ETAA1: variants seen among roughly 807,000 people sequenced by gnomAD.
ETAA1 encodes ETAA1 activator of ATR kinase, also known as ewing's tumor-associated antigen 1.
A neutral mutation model predicts 76.8 loss-of-function variants in ETAA1; 49 were observed. The observed-to-expected ratio is 0.64, with a 90% confidence interval of 0.51 to 0.81. The LOEUF is 0.81. Ranked by LOEUF, ETAA1 falls within the 30% of genes least tolerant of loss-of-function variation. The pLI is 0.00. For synonymous variants in ETAA1, 373 were observed against 372.2 expected, an observed-to-expected ratio of 1.00 and a Z score of -0.03; for missense variants, 1,099 against 1,074.0, an observed-to-expected ratio of 1.02 and a Z score of -0.32.
In ETAA1 at chr2:67,402,930, C is replaced by T. The variant is rs1187851213; in HGVS notation, c.498C>T (p.Pro166=). 2.5e-6 allele frequency: 4 copies of T among 1,606,790 alleles called. No individual in the cohort carries two copies. Among genetic ancestry groups the T allele is most frequent in the East Asian group, 2.3e-5 (1 of 44,404 alleles). Residue 166 remains proline (P), a synonymous_variant, in exon 4 of 6, where the codon CCC becomes CCT. Transcript: ENST00000272342. The part of the protein sequence containing the change: ...WIGETAIPCT[P]SVAKGKSRAK... ...GTGAAACTGCTATTCCTTGTACTCCCAGTGTAGCAAAAGGAAAATCAAGAG... is the reference window on the plus strand; with the variant it reads ...GTGAAACTGCTATTCCTTGTACTCCTAGTGTAGCAAAAGGAAAATCAAGAG...
chr2:67,399,921 CA>C (rs1676006695), intron 3 of ETAA1, among the ~76,000 whole-genome samples: 1 of 141,258 alleles, frequency 7.1e-6, no homozygotes, highest in Non-Finnish European at 1.6e-5. Flanking sequence ...CATACGACAT[CA>C]TTTTTCAAGT....
Position 67,409,915 on chromosome 2 carries a change from A to G in ETAA1, c.2658A>G (p.Glu886=). ...CATCTTTTGTTGAATTTTTAGAGGAAGAAGAGAAAAATAGAAAGTGTTCTC... is the reference window on the plus strand; with the variant it reads ...CATCTTTTGTTGAATTTTTAGAGGAGGAAGAGAAAAATAGAAAGTGTTCTC... The part of the protein sequence containing the change: ...SESLKQSSKE[E]EEKNRKCSPE... The change falls in exon 6 of 6, where the codon GAA becomes GAG. Residue 886 remains glutamate, a synonymous_variant. Coordinates refer to ENST00000272342, the MANE Select transcript of ETAA1 (RefSeq NM_019002.4). The G allele has an allele frequency of 3.8e-6, 6 of 1,590,922 alleles. No individual in the cohort carries two copies. The highest frequency in any genetic ancestry group is 5.1e-6 in the Non-Finnish European group (6 of 1,173,002).
In ETAA1 at chr2:67,399,603, A is replaced by G. The variant is rs923756234; in HGVS notation, c.406A>G (p.Ile136Val). ...CACAGATAGTGATGAGATTTCACATATTGTTAATCGTATTGCTCCTCAGGT... is the reference window on the plus strand; with the variant it reads ...CACAGATAGTGATGAGATTTCACATGTTGTTAATCGTATTGCTCCTCAGGT... ...YTTDSDEISH[I>V]VNRIAPQDEK... Residue 136 changes from isoleucine to valine, a missense_variant, in exon 3 of 6, where the codon ATT (isoleucine) becomes GTT (valine). Around this residue, in one of 3 missense-constraint regions of ETAA1, gnomAD observed 761 missense variants for 731.9 expected, o/e 1.04. Transcript: ENST00000272342. 1.2e-6 allele frequency: 2 copies of G among 1,608,408 alleles called. No homozygotes were observed. Among genetic ancestry groups the G allele is most frequent in the African/African-American group, 2.7e-5 (2 of 74,746 alleles).
In ETAA1 at chr2:67,404,220, ACT is replaced by A; in HGVS notation, c.1541_1542del (p.Ser514TyrfsTer2). ...AAAATAAAGGAAGATATTCTTACTAACTCTACTGAAGCTTCTGAAAGGAAGTC... is the reference window on the plus strand; with the variant it reads ...AAAATAAAGGAAGATATTCTTACTAACTACTGAAGCTTCTGAAAGGAAGTC... On this transcript the variant is annotated frameshift_variant, in exon 5 of 6. Coordinates refer to ENST00000272342, the MANE Select transcript of ETAA1 (RefSeq NM_019002.4). LOFTEE classifies it high-confidence loss of function. 1 of 1,611,934 alleles carries A rather than the reference ACT, an allele frequency of 6.2e-7. No homozygotes were observed. The highest frequency in any genetic ancestry group is 2.2e-5 in the East Asian group (1 of 44,782).
At position 67,410,761 on chromosome 2, in the gene ETAA1, C is replaced by CGGTGAGAAAAAGTAATACTGTTTT. The variant is rs1676352648; in HGVS notation, c.*724_*747dup. On this transcript the variant is annotated 3_prime_UTR_variant, in exon 6 of 6. Transcript: ENST00000272342. Reference sequence around the variant, plus strand: ...ATCTGGTCCAGCTTCCTTATTGTATCGGTGAGAAAAAGTAATACTGTTTTC... The same window carrying CGGTGAGAAAAAGTAATACTGTTTT: ...ATCTGGTCCAGCTTCCTTATTGTATCGGTGAGAAAAAGTAATACTGTTTTGGTGAGAAAAAGTAATACTGTTTTC... 6.6e-6 allele frequency: 1 copy of CGGTGAGAAAAAGTAATACTGTTTT among 151,866 alleles called. No homozygotes were observed. The highest frequency in any genetic ancestry group is 1.9e-4 in the East Asian group (1 of 5,190). 9.4% of individuals were successfully genotyped at this position (151,866 alleles called of 1,614,324 possible). A position where few individuals can be genotyped will look rare whatever the true frequency, so the allele number is the denominator to read the frequency against.
At chr2:67,397,817 C>G (rs1233829517) in intron 1 of ETAA1, 146 bp downstream of exon 1, 8 of 795,032 alleles carry the variant, frequency 1.0e-5, no homozygotes, top group South Asian at 8.6e-5. Flanking sequence ...AAAAATAATC[C>G]TATACCACTC....
intron 3 of ETAA1, chr2:67,400,434 C>T (rs1249804397): frequency 6.6e-6 from 1 of 151,876 alleles, no homozygotes; most frequent in African/African-American, 2.4e-5. Context: ...GACCCTGTCT[C>T]TTAAAAAAAA....
Position 67,397,618 on chromosome 2 carries a change from G to T in ETAA1, c.170G>T (p.Arg57Leu). 1 of 1,548,690 alleles carries T rather than the reference G, an allele frequency of 6.5e-7. No homozygotes were observed. The highest frequency in any genetic ancestry group is 8.7e-7 in the Non-Finnish European group (1 of 1,147,042). The change falls in exon 1 of 6, where the codon CGG (arginine) becomes CTG (leucine). Residue 57 changes from arginine (R) to leucine (L), a missense_variant. By Grantham distance (102) the Arg-to-Leu change is moderately radical. Transcript: ENST00000272342. ...AGAGAGGGGCCTCCCGGGCCAGTGC[G>T]GCAGCGAGAGCAGCCTCCGACCGCC... is the stretch of plus-strand genomic sequence containing the variant. Reference protein sequence around the residue: ...GAREGPPGPVRQREQPPTAAL... With the variant: ...GAREGPPGPVLQREQPPTAAL...
intron 4 of ETAA1, 26 bp downstream of exon 4, chr2:67,403,000 TG>T (rs1377985246): frequency 6.5e-7 from 1 of 1,544,984 alleles, no homozygotes; most frequent in Non-Finnish European, 8.7e-7. Flanking sequence ...TCAGCTTTTC[TG>T]AAATTCAGTG....
Position 67,410,161 on chromosome 2 carries a change from A to C in ETAA1, c.*123A>C, listed in dbSNP as rs919278089. 3 of 843,324 alleles carry C rather than the reference A, an allele frequency of 3.6e-6. No homozygotes were observed. The Admixed American group carries it at 8.1e-5, about 23-fold the overall frequency. The allele number at this position is 843,324 out of a possible 1,614,324, so 52.2% of individuals were successfully genotyped here. A position where few individuals can be genotyped will look rare whatever the true frequency, so the allele number is the denominator to read the frequency against. On this transcript the variant is annotated 3_prime_UTR_variant, in exon 6 of 6. Coordinates refer to ENST00000272342, the MANE Select transcript of ETAA1 (RefSeq NM_019002.4). ...TGACTTTTATAAAGCCTGGACTTCT[A>C]CTTTATTTAATAAATCAATGTTTGC...
At chr2:67,398,801 A>G (rs576961098) in intron 1 of ETAA1, among the ~76,000 whole-genome samples, 137 of 152,314 alleles carry the variant, frequency 9.0e-4, no homozygotes, top group Non-Finnish European at 1.6e-3. Flanking sequence ...GGGGCTAAAC[A>G]TATTTAGGTT....
At chr2:67,398,232 A>C (rs1482720362) in intron 1 of ETAA1, among the ~76,000 whole-genome samples, 1 of 150,786 alleles carries the variant, frequency 6.6e-6, no homozygotes, top group Non-Finnish European at 1.5e-5. Flanking sequence ...TTTTTAAAAG[A>C]CTTCTAGTAA....
Position 67,411,640 on chromosome 2 carries a change from T to G in ETAA1, c.*1602T>G, listed in dbSNP as rs1310603856. The G allele has an allele frequency of 6.6e-6, 1 of 152,088 alleles. No homozygotes were observed. The highest frequency in any genetic ancestry group is 1.9e-4 in the East Asian group (1 of 5,192). The allele number at this position is 152,088 out of a possible 1,614,324, so 9.4% of individuals were successfully genotyped here. ...GTTTCTATTGGACGCATATCACTTT[T>G]GCATCACGTTAGAGTTGAAAAATTG... On this transcript the variant is annotated 3_prime_UTR_variant, in exon 6 of 6. Transcript: ENST00000272342.
chr2:67,401,325 GTCAT>G (rs1434634620), intron 3 of ETAA1: 2 of 151,898 alleles, frequency 1.3e-5, no homozygotes, highest in Non-Finnish European at 2.9e-5. Flanking sequence ...TTTTAGGTGA[GTCAT>G]TCTCAAATCA....
At position 67,405,236 on chromosome 2, in the gene ETAA1, G is replaced by T. The variant is rs1224234369; in HGVS notation, c.2554G>T (p.Gly852Cys). The T allele has an allele frequency of 1.2e-6, 2 of 1,611,828 alleles. No homozygotes were observed. The highest frequency in any genetic ancestry group is 3.4e-5 in the Admixed American group (2 of 59,670). Residue 852 changes from glycine to cysteine, a missense_variant, in exon 5 of 6, where the codon GGT (glycine) becomes TGT (cysteine). This residue lies in a region of ETAA1 where 302 missense variants were observed against 278.1 expected (regional missense o/e 1.09). Transcript: ENST00000272342. ...TATGTCTGATACCAAAATTACACAG[G>T]GTGTGGAGAAAAAGAAAGGTGTCAA... is the stretch of plus-strand genomic sequence containing the variant. Reference protein sequence around the residue: ...GSMSDTKITQGVEKKKGVNPL... With the variant: ...GSMSDTKITQCVEKKKGVNPL...
In ETAA1 at chr2:67,397,534, T is replaced by C; in HGVS notation, c.86T>C (p.Val29Ala). The change falls in exon 1 of 6, where the codon GTG becomes GCG. Residue 29 changes from valine (V) to alanine (A), a missense_variant. Coordinates refer to ENST00000272342, the MANE Select transcript of ETAA1 (RefSeq NM_019002.4). ...GTGGCGGCGGAGGAATGCGGCTCGG[T>C]GGTCGAGCCAGGGAGGAGGCGGCTG... ...KTVAAEECGS[V>A]VEPGRRRLRS... is the part of the protein sequence containing the mutation. 6.3e-7 allele frequency: 1 copy of C among 1,586,438 alleles called. No homozygotes were observed.
At chr2:67,400,969 T>TA (rs1460010010) in intron 3 of ETAA1, 1 of 152,142 alleles carries the variant, frequency 6.6e-6, no homozygotes, top group Non-Finnish European at 1.5e-5. Flanking sequence ...TAATAGTACT[T>TA]ACTCTATAAG....
chr2:67,398,476 C>T (rs2103738513), intron 1 of ETAA1, among the ~76,000 whole-genome samples: 1 of 152,142 alleles, frequency 6.6e-6, no homozygotes, highest in African/African-American at 2.4e-5. Context: ...GCTGGGACTA[C>T]AGGCGTGTGC....
In ETAA1 at chr2:67,397,597, AGG is replaced by A; in HGVS notation, c.152_153del (p.Gly51AlafsTer19). The A allele has an allele frequency of 4.5e-6, 7 of 1,552,502 alleles. No homozygotes were observed. Among genetic ancestry groups the A allele is most frequent in the Non-Finnish European group, 4.4e-6 (5 of 1,148,758 alleles). ...GGTTCGTGGCCCTGCGGGGCTAGAGAGGGGCCTCCCGGGCCAGTGCGGCAGCG... is the reference window on the plus strand; with the variant it reads ...GGTTCGTGGCCCTGCGGGGCTAGAGAGGCCTCCCGGGCCAGTGCGGCAGCG... On this transcript the variant is annotated frameshift_variant, in exon 1 of 6. Transcript: ENST00000272342. LOFTEE classifies it high-confidence loss of function.
Sources: gnomAD v4.1 joint callset for allele counts (sites outside exome capture counted in the v4.1 genomes callset) on GRCh38, gnomAD v4.1.1 for gene constraint, gnomAD v4.1.1 regional missense constraint, MANE v1.5 for transcripts, NCBI Gene and HGNC (gene_info 2026-07-23, HGNC 2026-07-21) for gene names.